Variants in DSG2 observed in about 807,000 individuals in gnomAD.
The protein encoded by DSG2 is desmoglein 2.
In DSG2, 45 loss-of-function variants were observed where a neutral mutation model predicts 75.6. The observed-to-expected ratio is 0.60, with a 90% CI of 0.47 to 0.76. DSG2 has a LOEUF of 0.76. DSG2 is among the 30% of genes least tolerant of loss of function. The probability of loss-of-function intolerance (pLI) is 0.00; values close to 1 mark genes in which losing one functional copy is unlikely to be tolerated. For missense variants in DSG2, 1,267 were observed against 1,357.4 expected, an observed-to-expected ratio of 0.93 and a Z score of 1.05; for synonymous variants, 429 against 483.9, an observed-to-expected ratio of 0.89 and a Z score of 1.49.
intron 9 of DSG2, among the ~76,000 whole-genome samples, chr18:31,533,366 C>T (rs2073209735): frequency 6.6e-6 from 1 of 152,154 alleles, no homozygotes; most frequent in Non-Finnish European, 1.5e-5. Flanking sequence ...GTCCCCACTA[C>T]TGGGGAGGCT....
chr18:31,522,560 AAAT>A, intron 6 of DSG2: 1 of 209,000 alleles, frequency 4.8e-6, no homozygotes, highest in Non-Finnish European at 9.8e-6. Flanking sequence ...TTGCATGTTA[AAAT>A]AATATTTTAG....
chr18:31,513,464 A>G (rs951115974), intron 1 of DSG2, among the ~76,000 whole-genome samples: 1 of 152,232 alleles, frequency 6.6e-6, no homozygotes, highest in Non-Finnish European at 1.5e-5. Flanking sequence ...ACCAGCCAAT[A>G]TCAAAGTAAA....
intron 1 of DSG2, among the ~76,000 whole-genome samples, chr18:31,504,286 A>G (rs2073027988): frequency 6.6e-6 from 1 of 152,110 alleles, no homozygotes; most frequent in East Asian, 1.9e-4. Context: ...CCACTCTTTC[A>G]AGCCCCCTAC....
chr18:31,535,050 T>G (rs1309921796), intron 9 of DSG2, among the ~76,000 whole-genome samples: 1 of 152,216 alleles, frequency 6.6e-6, no homozygotes, highest in Non-Finnish European at 1.5e-5. Context: ...TTTTATGTCT[T>G]GGGTATGTTG....
chr18:31,543,683 T>C (rs1301452923), intron 14 of DSG2, among the ~76,000 whole-genome samples: 3 of 152,008 alleles, frequency 2.0e-5, no homozygotes, highest in Non-Finnish European at 4.4e-5. Context: ...TTGGGCAATA[T>C]GTTAAAACCC....
chr18:31,534,508 A>AATTT (rs1555627367), intron 9 of DSG2, among the ~76,000 whole-genome samples: 1 of 112,584 alleles, frequency 8.9e-6, no homozygotes, highest in Non-Finnish European at 1.7e-5. Flanking sequence ...ATGATCATTG[A>AATTT]TTTTTTTTTT....
At position 31,538,759 on chromosome 18, in the gene DSG2, G is replaced by C; in HGVS notation, c.1660G>C (p.Val554Leu). 1 of 1,614,098 alleles carries C rather than the reference G, an allele frequency of 6.2e-7. No homozygotes were observed. The highest frequency in any genetic ancestry group is 8.5e-7 in the Non-Finnish European group (1 of 1,179,946). ...WKIARQESTSVLLQQSEKKLG... is the reference protein window; with the variant it reads ...WKIARQESTSLLLQQSEKKLG... ...GCCTCCCAACCTTGTAGGTACCAGT[G>C]TGCTGCTGCAACAAAGTGAGAAAAA... The change falls in exon 12 of 15, where the codon GTG becomes CTG. Residue 554 changes from valine (V) to leucine (L), a missense_variant. By Grantham distance (32) the Val-to-Leu change is conservative. Transcript: ENST00000261590.
chr18:31,545,675 A>G lies in DSG2; in HGVS notation c.2335-46A>G, dbSNP rs372432353. Reference sequence around the variant, plus strand: ...TGTTTTAAAATGAATTTATATTGCTAATTATTTGTCTGTTTTGTGTTTGTT... The same window carrying G: ...TGTTTTAAAATGAATTTATATTGCTGATTATTTGTCTGTTTTGTGTTTGTT... On this transcript the variant is annotated intron_variant, in intron 14 of 14. Coordinates refer to ENST00000261590, the MANE Select transcript of DSG2 (RefSeq NM_001943.5). The G allele has an allele frequency of 3.8e-6, 6 of 1,595,316 alleles. No homozygotes were observed. In the African/African-American group the frequency reaches 8.1e-5, roughly 21 times the overall value.
intron 1 of DSG2, among the ~76,000 whole-genome samples, chr18:31,514,847 A>G (rs56173569): frequency 0.028 from 4,303 of 152,330 alleles, 161 homozygotes; most frequent in East Asian, 0.15. Flanking sequence ...GAAGATGCTC[A>G]TATGATGAAT....
At chr18:31,512,445 A>G (rs1291767592) in intron 1 of DSG2, among the ~76,000 whole-genome samples, 2 of 152,270 alleles carry the variant, frequency 1.3e-5, no homozygotes, top group Non-Finnish European at 1.5e-5. Flanking sequence ...TGCTTCTGCA[A>G]TGATGCAATG....
Position 31,535,321 on chromosome 18 carries a change from A to G in DSG2, c.1332A>G (p.Thr444=). ...ATTGGATCTCTGTGGATTCTGTCAC[A>G]TCTGAAATTAAACTTGCAAAACTTC... ...RDNWISVDSV[T]SEIKLAKLPD... The change falls in exon 10 of 15, where the codon ACA becomes ACG. Residue 444 remains threonine, a synonymous_variant. Transcript: ENST00000261590. 6.2e-7 allele frequency: 1 copy of G among 1,601,050 alleles called. No individual in the cohort carries two copies. The highest frequency in any genetic ancestry group is 8.6e-7 in the Non-Finnish European group (1 of 1,168,874).
At chr18:31,542,887 T>C in intron 14 of DSG2, 35 bp downstream of exon 14, 1 of 285,224 alleles carries the variant, frequency 3.5e-6, no homozygotes, top group Non-Finnish European at 6.0e-6. Context: ...TGGTGGGGGG[T>C]GGGGGGAACA....
Position 31,538,601 on chromosome 18 carries a change from T to C in DSG2, c.1652-150T>C, listed in dbSNP as rs2073246298. 3 of 766,302 alleles carry C rather than the reference T, an allele frequency of 3.9e-6. No homozygotes were observed. In the African/African-American group the frequency reaches 5.2e-5, roughly 13 times the overall value. The allele number at this position is 766,302 out of a possible 1,614,324, so 47.5% of individuals were successfully genotyped here. ...ATATTCAGGGCCTATAGACAAATTT[T>C]AATGAGCACACTTCAATAAGTGAAG... is the stretch of plus-strand genomic sequence containing the variant. On this transcript the variant is annotated intron_variant, in intron 11 of 14. Coordinates refer to ENST00000261590, the MANE Select transcript of DSG2 (RefSeq NM_001943.5).
intron 14 of DSG2, 33 bp downstream of exon 14, chr18:31,542,885 G>C: frequency 9.2e-7 from 1 of 1,086,728 alleles, no homozygotes; most frequent in Middle Eastern, 2.2e-4. Flanking sequence ...GGTGGTGGGG[G>C]GTGGGGGGAA....
chr18:31,521,370 A>C (rs2073127615), intron 5 of DSG2, 127 bp downstream of exon 5: 2 of 1,050,726 alleles, frequency 1.9e-6, no homozygotes, highest in South Asian at 3.1e-5. Flanking sequence ...ATGATAAGAA[A>C]GCAGTTCAGA....
intron 1 of DSG2, among the ~76,000 whole-genome samples, chr18:31,499,004 C>G (rs2072999849): frequency 1.3e-5 from 2 of 152,014 alleles, no homozygotes. Context: ...TCCCCCACGC[C>G]CCACCCCTCA....
intron 11 of DSG2, among the ~76,000 whole-genome samples, chr18:31,538,155 T>C (rs947541144): frequency 6.6e-6 from 1 of 152,208 alleles, no homozygotes; most frequent in African/African-American, 2.4e-5. Context: ...GAAAGCATTG[T>C]TGCAAAATGT....
chr18:31,502,233 G>GT (rs1331796925), intron 1 of DSG2, among the ~76,000 whole-genome samples: 1 of 152,160 alleles, frequency 6.6e-6, no homozygotes, highest in Non-Finnish European at 1.5e-5. Flanking sequence ...ATATTCTGTG[G>GT]TGTGTGAGTG....
chr18:31,505,955 GT>G (rs1258248229), intron 1 of DSG2, among the ~76,000 whole-genome samples: 1 of 152,094 alleles, frequency 6.6e-6, no homozygotes, highest in African/African-American at 2.4e-5. Context: ...ACCTGGCCGA[GT>G]AGTAAATTTT....
Sources: gnomAD v4.1 joint callset for allele counts (sites outside exome capture counted in the v4.1 genomes callset) on GRCh38, gnomAD v4.1.1 for gene constraint, MANE v1.5 for transcripts, NCBI Gene and HGNC (gene_info 2026-07-23, HGNC 2026-07-21) for gene names.